Variants in CNOT1 observed in about 807,000 individuals in gnomAD.
CNOT1 encodes CCR4-NOT transcription complex subunit 1.
In CNOT1, 15 loss-of-function variants were observed where a neutral mutation model predicts 273.8. That is an observed-to-expected ratio of 0.05 (90% confidence interval 0.04 to 0.08). CNOT1 has a LOEUF of 0.08. CNOT1 is among the 10% of genes least tolerant of loss of function. CNOT1 has a pLI of 1.00. For missense variants in CNOT1, 1,644 were observed against 2,912.2 expected (o/e 0.56, Z 10.02); for synonymous variants, 1,022 against 1,005.5 (o/e 1.02, Z -0.31).
At chr16:58,572,174 T>C (rs2041295789) in intron 16 of CNOT1, among the ~76,000 whole-genome samples, 2 of 151,402 alleles carry the variant, frequency 1.3e-5, no homozygotes, top group African/African-American at 4.9e-5. Flanking sequence ...TCCCAGCTAC[T>C]TGGAAGGCTG....
intron 16 of CNOT1, among the ~76,000 whole-genome samples, chr16:58,561,425 T>C (rs950087897): frequency 6.6e-6 from 1 of 152,202 alleles, no homozygotes; most frequent in Non-Finnish European, 1.5e-5. Context: ...CAAACAGGCA[T>C]GCAATTTTTA....
In CNOT1 at chr16:58,534,244, T is replaced by C. The variant is rs1178592163; in HGVS notation, c.5798A>G (p.Tyr1933Cys). 2 of 1,614,172 alleles carry C rather than the reference T, an allele frequency of 1.2e-6. No homozygotes were observed. Among genetic ancestry groups the C allele is most frequent in the Non-Finnish European group, 8.5e-7 (1 of 1,180,032 alleles). Residue 1933 changes from tyrosine to cysteine, a missense_variant, in exon 40 of 49, where the codon TAT becomes TGT. Coordinates refer to ENST00000317147, the MANE Select transcript of CNOT1 (RefSeq NM_016284.5). Reference protein sequence around the residue: ...ANPTMIRAKCYHNLDAFVRLI... With the variant: ...ANPTMIRAKCCHNLDAFVRLI... ...TCGAACAAAGGCATCCAGGTTGTGA[T>C]AGCACTTGGCTCGGATCATGGTGGG...
intron 2 of CNOT1, among the ~76,000 whole-genome samples, chr16:58,590,161 A>G (rs2151990933): frequency 6.6e-6 from 1 of 152,302 alleles, no homozygotes; most frequent in East Asian, 1.9e-4. Context: ...TGGGCTACAT[A>G]TTGCACTGAG....
rs961553149 is a variant in CNOT1, at chr16:58,596,250, G to A, written c.102+2986C>T. Among the ~76,000 whole-genome samples the A allele has an allele frequency of 1.0e-4, 15 of 142,968 alleles. No individual in the cohort carries two copies. The Admixed American group carries it at 1.1e-3, about 10-fold the overall frequency. 93.8% of individuals were successfully genotyped at this position (142,968 alleles called of 152,430 possible). A position where few individuals can be genotyped will look rare whatever the true frequency, so the allele number is the denominator to read the frequency against. ...AGCATGGTGTCAGGGGCCAAATGGA[G>A]GGAAGGACCACTTCTGGCTGCAGCA... is the stretch of plus-strand genomic sequence containing the variant. On this transcript the variant is annotated intron_variant, in intron 2 of 48. Transcript: ENST00000317147.
At position 58,551,660 on chromosome 16, in the gene CNOT1, T is replaced by C. The variant is rs1451266528; in HGVS notation, c.3130A>G (p.Thr1044Ala). 8.1e-6 allele frequency: 13 copies of C among 1,614,094 alleles called. No individual in the cohort carries two copies. Among genetic ancestry groups the C allele is most frequent in the Non-Finnish European group, 1.0e-5 (12 of 1,180,044 alleles). Reference protein sequence around the residue: ...GQVSTMVTTSTTTTVAKTVTV... With the variant: ...GQVSTMVTTSATTTVAKTVTV... ...ACCGTTTTAGCAACAGTGGTAGTTG[T>C]TGAGGTGGTTACCATAGTGCTAACT... The change falls in exon 23 of 49, where the codon ACA (threonine) becomes GCA (alanine). Residue 1044 changes from threonine to alanine, a missense_variant. Coordinates refer to ENST00000317147, the MANE Select transcript of CNOT1 (RefSeq NM_016284.5).
rs745499408 is a variant in CNOT1 at position 58,576,587 on chromosome 16, A to G, written c.1585-5T>C. 9 of 1,613,962 alleles carry G rather than the reference A, an allele frequency of 5.6e-6. No individual in the cohort carries two copies. The highest frequency in any genetic ancestry group is 5.9e-6 in the Non-Finnish European group (7 of 1,179,956). On this transcript the variant is annotated splice_polypyrimidine_tract_variant and splice_region_variant and intron_variant, in intron 13 of 48. Transcript: ENST00000317147. ...GCGAATTGAGGGAGACTGTCCCTAA[A>G]AAGGGGAAGAAAGATTAAATAGCAA...
At chr16:58,562,225 G>C (rs192862311) in intron 16 of CNOT1, among the ~76,000 whole-genome samples, 1 of 151,980 alleles carries the variant, frequency 6.6e-6, no homozygotes, top group Non-Finnish European at 1.5e-5. Flanking sequence ...CTGGGAGGTG[G>C]AGGTGGCTTA....
At chr16:58,542,698 TG>T in intron 31 of CNOT1, 130 bp from the exon 32 acceptor site, 1 of 1,347,860 alleles carries the variant, frequency 7.4e-7, no homozygotes, top group African/African-American at 1.5e-5. Context: ...ACTCTACTTA[TG>T]AACAAGCTGT....
At chr16:58,586,202 G>A (rs958144862) in intron 7 of CNOT1, among the ~76,000 whole-genome samples, 1 of 113,490 alleles carries the variant, frequency 8.8e-6, no homozygotes, top group Non-Finnish European at 1.8e-5. Flanking sequence ...CTGAGCCACT[G>A]TGCCCAGCTG....
intron 2 of CNOT1, among the ~76,000 whole-genome samples, chr16:58,591,093 T>C (rs1338768560): frequency 1.3e-5 from 2 of 151,986 alleles, no homozygotes; most frequent in Non-Finnish European, 2.9e-5. Flanking sequence ...CAACCATAGA[T>C]ACAGGTGAAG....
intron 38 of CNOT1, 46 bp from the exon 39 acceptor site, chr16:58,537,266 G>C: frequency 6.5e-7 from 1 of 1,536,592 alleles, no homozygotes; most frequent in Non-Finnish European, 8.8e-7. Context: ...TCGTAGTTGT[G>C]ATTTTACAGA....
At chr16:58,562,291 A>C (rs2040879181) in intron 16 of CNOT1, among the ~76,000 whole-genome samples, 1 of 149,448 alleles carries the variant, frequency 6.7e-6, no homozygotes, top group Non-Finnish European at 1.5e-5. Context: ...TCGCTTGAGG[A>C]AGGAGTTTCG....
At chr16:58,611,865 T>C (rs2042913812) in intron 1 of CNOT1, among the ~76,000 whole-genome samples, 1 of 152,108 alleles carries the variant, frequency 6.6e-6, no homozygotes, top group Non-Finnish European at 1.5e-5. Context: ...ATACTGTACT[T>C]TGATGCAATC....
chr16:58,527,882 G>A (rs1020930798), intron 44 of CNOT1: 14 of 245,064 alleles, frequency 5.7e-5, no homozygotes, highest in Non-Finnish European at 9.0e-5. Flanking sequence ...TTGGGAGGCC[G>A]AAGCAGGCAG....
chr16:58,574,898 A>G (rs2041407870), intron 15 of CNOT1, 109 bp downstream of exon 15: 1 of 1,558,504 alleles, frequency 6.4e-7, no homozygotes, highest in South Asian at 1.2e-5. Context: ...TGTTTCTTTC[A>G]AATTTTTCTT....
chr16:58,625,252 C>G (rs1396703409), intron 1 of CNOT1, among the ~76,000 whole-genome samples: 1 of 152,068 alleles, frequency 6.6e-6, no homozygotes, highest in Non-Finnish European at 1.5e-5. Context: ...GTGGCTCACG[C>G]CTGTAATCAC....
rs892058801 is a variant in CNOT1, at chr16:58,525,321, G to A, written c.6642C>T (p.Leu2214=). Residue 2214 remains leucine (L), a synonymous_variant, in exon 46 of 49, where the codon CTC becomes CTT. Coordinates refer to ENST00000317147, the MANE Select transcript of CNOT1 (RefSeq NM_016284.5). ...CGACATAGAGCACCAGTGCATTGAT[G>A]AGCTGGAGGTTGTAGCGATTCCCAG... ...NEPGNRYNLQ[L]INALVLYVGT... is the part of the protein sequence containing the mutation. The A allele has an allele frequency of 6.2e-7, 1 of 1,613,688 alleles. No homozygotes were observed.
At chr16:58,595,052 T>C (rs1411230771) in intron 2 of CNOT1, among the ~76,000 whole-genome samples, 3 of 151,298 alleles carry the variant, frequency 2.0e-5, no homozygotes, top group Middle Eastern at 3.4e-3. Context: ...AGGCGGAGGT[T>C]ACAGTGAGCC....
Position 58,531,950 on chromosome 16 carries a change from A to G in CNOT1, c.6177+8T>C. 1 of 1,613,978 alleles carries G rather than the reference A, an allele frequency of 6.2e-7. No individual in the cohort carries two copies. Among genetic ancestry groups the G allele is most frequent in the South Asian group, 1.1e-5 (1 of 91,072 alleles). On this transcript the variant is annotated splice_region_variant and intron_variant, in intron 42 of 48. Transcript: ENST00000317147. ...TCTTCATCTACAGGAGATAAACTGC[A>G]GCCACACCTTCTGCTGTGGCGTATG...
Sources: gnomAD v4.1 joint callset for allele counts (sites outside exome capture counted in the v4.1 genomes callset) on GRCh38, gnomAD v4.1.1 for gene constraint, MANE v1.5 for transcripts, NCBI Gene and HGNC (gene_info 2026-07-23, HGNC 2026-07-21) for gene names.